The following FREM2 variants were observed in gnomAD, a reference collection of about 807,000 sequenced individuals.
FREM2 encodes FRAS1-related extracellular matrix protein 2.
FREM2 carries 119 observed loss-of-function variants against 219.9 expected under a neutral mutation model. The observed-to-expected ratio is 0.54, with a 90% confidence interval of 0.47 to 0.63. FREM2 has a LOEUF of 0.63. Ranked by LOEUF, FREM2 falls within the 30% of genes least tolerant of loss-of-function variation. The pLI is 0.00. For missense variants in FREM2, 4,030 were observed against 3,993.6 expected, an observed-to-expected ratio of 1.01 and a Z score of -0.25; for synonymous variants, 1,562 against 1,522.8, an observed-to-expected ratio of 1.03 and a Z score of -0.60.
chr13:38,790,535 CAT>C (rs1211650755), intron 6 of FREM2, among the ~76,000 whole-genome samples: 4 of 152,140 alleles, frequency 2.6e-5, no homozygotes, highest in Non-Finnish European at 4.4e-5. Flanking sequence ...GTGAAAATAA[CAT>C]GTGTCCAGAA....
intron 2 of FREM2, among the ~76,000 whole-genome samples, chr13:38,715,839 A>T (rs1193904207): frequency 6.6e-6 from 1 of 152,136 alleles, no homozygotes; most frequent in Non-Finnish European, 1.5e-5. Context: ...TATGAATAAG[A>T]ATACCTTTTT....
chr13:38,750,076 T>C (rs1006701551), intron 2 of FREM2, among the ~76,000 whole-genome samples: 1 of 152,196 alleles, frequency 6.6e-6, no homozygotes. Context: ...ATTTGGATTT[T>C]GGCTAAATAG....
chr13:38,878,255 T>G lies in FREM2; in HGVS notation c.8793T>G (p.Ser2931Arg). 6.2e-7 allele frequency: 1 copy of G among 1,613,692 alleles called. No homozygotes were observed. Residue 2931 changes from serine (S) to arginine (R), a missense_variant, in exon 22 of 24, where the codon AGT becomes AGG. This residue lies in a region of FREM2 where 928 missense variants were observed against 1,042.9 expected (regional missense o/e 0.89). Coordinates refer to ENST00000280481, the MANE Select transcript of FREM2 (RefSeq NM_207361.6). ...TGADGYVPKY[S>R]PMNAEYGCLA... ...CTGATGGCTATGTTCCCAAGTATAG[T>G]CCAATGAATGCAGAATATGGCTGCT...
rs1219092346 is a variant in FREM2, at chr13:38,856,117, C to T, written c.6926-9C>T. The T allele has an allele frequency of 1.3e-6, 2 of 1,557,824 alleles. No individual in the cohort carries two copies. Among genetic ancestry groups the T allele is most frequent in the Non-Finnish European group, 1.8e-6 (2 of 1,137,468 alleles). ...CAAATGATTTAAATCTGTGATGTTA[C>T]ATTTGTAGAAATTGAGTTTAAGGAA... On this transcript the variant is annotated splice_polypyrimidine_tract_variant and intron_variant, in intron 11 of 23. Transcript: ENST00000280481.
At chr13:38,820,016 TA>T (rs1165269730) in intron 6 of FREM2, among the ~76,000 whole-genome samples, 2 of 152,146 alleles carry the variant, frequency 1.3e-5, no homozygotes, top group African/African-American at 4.8e-5. Flanking sequence ...TTTATAGACA[TA>T]TAGCACCTGA....
At position 38,765,395 on chromosome 13, in the gene FREM2, G is replaced by C. The variant is rs144473571; in HGVS notation, c.5410+945G>C. Among the ~76,000 whole-genome samples the C allele has an allele frequency of 4.5e-3, 685 of 152,246 alleles. 5 individuals are homozygous for C. Among genetic ancestry groups the C allele is most frequent in the African/African-American group, 0.016 (648 of 41,538 alleles). ...ATCTAGACCAATGGAATTTGCATGG[G>C]ATAAAAAGAGATTTCATTGAGTGAG... On this transcript the variant is annotated intron_variant, in intron 3 of 23. Coordinates refer to ENST00000280481, the MANE Select transcript of FREM2 (RefSeq NM_207361.6).
Position 38,792,360 on chromosome 13 carries a change from T to A in FREM2, c.6019+7552T>A, listed in dbSNP as rs147122069. 5.6e-3 allele frequency among the ~76,000 whole-genome samples: 845 copies of A among 152,120 alleles called. 10 individuals are homozygous for A. Among genetic ancestry groups the A allele is most frequent in the South Asian group, 0.048 (232 of 4,802 alleles). On this transcript the variant is annotated intron_variant, in intron 6 of 23. Transcript: ENST00000280481. ...AAGACTCGGTCTCAAAAAATATATTTTAAAAAAGTCCCTTCAATTTTTCCA... is the reference window on the plus strand; with the variant it reads ...AAGACTCGGTCTCAAAAAATATATTATAAAAAAGTCCCTTCAATTTTTCCA...
intron 6 of FREM2, among the ~76,000 whole-genome samples, chr13:38,800,216 T>A (rs920414538): frequency 4.6e-5 from 7 of 152,196 alleles, no homozygotes; most frequent in Non-Finnish European, 7.4e-5. Flanking sequence ...AGTTTAGGGA[T>A]CCCTTGAACA....
chr13:38,744,989 C>G (rs1872408481), intron 2 of FREM2, among the ~76,000 whole-genome samples: 1 of 152,146 alleles, frequency 6.6e-6, no homozygotes. Context: ...ACCTGTTTTG[C>G]ACTAGAAGTC....
intron 6 of FREM2, among the ~76,000 whole-genome samples, chr13:38,846,095 T>C (rs9532288): frequency 0.12 from 18,756 of 151,816 alleles, 1,397 homozygotes; most frequent in Admixed American, 0.21. Flanking sequence ...TATAACACAC[T>C]CACATACATC....
intron 10 of FREM2, 47 bp downstream of exon 10, chr13:38,851,155 AT>A: frequency 6.3e-7 from 1 of 1,596,740 alleles, no homozygotes; most frequent in South Asian, 1.1e-5. Context: ...AGAAACTAAA[AT>A]CCAGCCAAGT....
intron 20 of FREM2, 108 bp from the exon 21 acceptor site, chr13:38,877,009 A>G: frequency 8.0e-7 from 1 of 1,257,702 alleles, no homozygotes; most frequent in Non-Finnish European, 1.2e-6. Flanking sequence ...ATTGCGATGC[A>G]GTGTTTAGTG....
intron 6 of FREM2, among the ~76,000 whole-genome samples, chr13:38,837,797 C>CTTTTTTTTTTTTTTTTTTTTTTTTT (rs1324884346): frequency 8.1e-6 from 1 of 123,700 alleles, no homozygotes; most frequent in Non-Finnish European, 1.8e-5. Flanking sequence ...TTTGTTTTTG[C>CTTTTTTTTTTTTTTTTTTTTTTTTT]TTTCCATTTG....
chr13:38,844,338 A>G (rs1281207010), intron 6 of FREM2, among the ~76,000 whole-genome samples: 1 of 152,154 alleles, frequency 6.6e-6, no homozygotes. Context: ...ACACACATGC[A>G]TATAAAACAC....
rs79943728 is a variant in FREM2, at chr13:38,819,506, A to T, written c.6020-27067A>T. ...TGGTTCACCCAGAAATGAGCCCTCA[A>T]ATTCATGGAGTGTAAATTTACAGAT... On this transcript the variant is annotated intron_variant, in intron 6 of 23. Transcript: ENST00000280481. Among the ~76,000 whole-genome samples the T allele has an allele frequency of 2.9e-3, 446 of 152,220 alleles. 10 individuals carry two copies. In the East Asian group the frequency reaches 0.049, roughly 17 times the overall value.
chr13:38,855,991 C>T, intron 11 of FREM2, 135 bp from the exon 12 acceptor site: 4 of 608,104 alleles, frequency 6.6e-6, no homozygotes, highest in East Asian at 6.0e-5. Context: ...TTTACACACA[C>T]ACCCAAATAT....
chr13:38,699,553 T>G (rs999964397), intron 2 of FREM2, among the ~76,000 whole-genome samples: 1 of 152,128 alleles, frequency 6.6e-6, no homozygotes, highest in African/African-American at 2.4e-5. Flanking sequence ...CATATCATTT[T>G]AGGAGTCTTT....
At chr13:38,800,948 C>T (rs1202374162) in intron 6 of FREM2, among the ~76,000 whole-genome samples, 1 of 152,124 alleles carries the variant, frequency 6.6e-6, no homozygotes, top group Non-Finnish European at 1.5e-5. Context: ...GGTTTTTTAA[C>T]CCTTTCATTC....
intron 11 of FREM2, among the ~76,000 whole-genome samples, chr13:38,855,309 TA>T (rs1262572211): frequency 6.6e-6 from 1 of 152,178 alleles, no homozygotes; most frequent in Admixed American, 6.5e-5. Flanking sequence ...TGGTATTTTA[TA>T]AAAAAGTCAA....
Sources: gnomAD v4.1 joint callset for allele counts (sites outside exome capture counted in the v4.1 genomes callset) on GRCh38, gnomAD v4.1.1 for gene constraint, gnomAD v4.1.1 regional missense constraint, MANE v1.5 for transcripts, NCBI Gene and HGNC (gene_info 2026-07-23, HGNC 2026-07-21) for gene names.